Variants in SRCIN1 observed in about 807,000 individuals in gnomAD.
SRCIN1 encodes P130Cas-associated protein.
Under a neutral mutation model 116.2 loss-of-function variants are expected in SRCIN1, and 50 were observed. That is an observed-to-expected ratio of 0.43 (90% CI 0.34 to 0.54). The LOEUF is 0.54. Among genes scored for constraint, SRCIN1 ranks in the 20% least tolerant of loss-of-function variants. The pLI, the probability that SRCIN1 is intolerant of heterozygous loss-of-function variation, is 0.02. For synonymous variants in SRCIN1, 736 were observed against 750.0 expected (o/e 0.98, Z 0.30); for missense variants, 1,446 against 1,672.0 (o/e 0.86, Z 2.36).
intron 1 of SRCIN1, among the ~76,000 whole-genome samples, chr17:38,603,372 G>A (rs1424632952): frequency 2.0e-5 from 3 of 150,942 alleles, no homozygotes; most frequent in African/African-American, 7.3e-5. Context: ...AAGGAGGCAA[G>A]TAGAGGGGCA....
At chr17:38,543,104 T>G (rs1412168232) in intron 18 of SRCIN1, 1 of 456,506 alleles carries the variant, frequency 2.2e-6, no homozygotes, top group African/African-American at 2.0e-5. Context: ...GTATGTCCAC[T>G]CTCCACACAG....
chr17:38,559,350 G>T (rs1906039626), intron 10 of SRCIN1: 1 of 563,050 alleles, frequency 1.8e-6, no homozygotes, highest in South Asian at 2.2e-5. Flanking sequence ...CAATGAGGGG[G>T]TCACGGGCGA....
chr17:38,553,512 GC>G (rs1472714968), intron 11 of SRCIN1, among the ~76,000 whole-genome samples: 1 of 151,712 alleles, frequency 6.6e-6, no homozygotes, highest in African/African-American at 2.4e-5. Context: ...CAGAGCACGT[GC>G]CCCCGGGGAG....
At chr17:38,555,547 C>T in intron 11 of SRCIN1, among the ~76,000 whole-genome samples, 1 of 152,066 alleles carries the variant, frequency 6.6e-6, no homozygotes, top group Non-Finnish European at 1.5e-5. Context: ...GGAAGCTACC[C>T]TAATTAATTA....
At chr17:38,599,394 C>G (rs1908897512) in intron 1 of SRCIN1, among the ~76,000 whole-genome samples, 1 of 152,180 alleles carries the variant, frequency 6.6e-6, no homozygotes. Flanking sequence ...GATCCCTCCC[C>G]AGCAGGGTCC....
chr17:38,551,195 C>T lies in SRCIN1; in HGVS notation c.2922G>A (p.Lys974=). The change falls in exon 15 of 19, where the codon AAG becomes AAA. Residue 974 remains lysine (K), a synonymous_variant. Transcript: ENST00000617146. Reference sequence around the variant, plus strand: ...CACTGGGCTCCGTTCGGGGGGCTGCCTTCTGGCCGTGGGGGGCCTTGGGGG... The same window carrying T: ...CACTGGGCTCCGTTCGGGGGGCTGCTTTCTGGCCGTGGGGGGCCTTGGGGG... ...HKPPKAPHGQ[K]AAPRTEPSGR... The T allele has an allele frequency of 1.3e-6, 2 of 1,594,876 alleles. No homozygotes were observed. Among genetic ancestry groups the T allele is most frequent in the Non-Finnish European group, 1.7e-6 (2 of 1,169,014 alleles).
intron 18 of SRCIN1, among the ~76,000 whole-genome samples, chr17:38,537,832 T>C (rs891182510): frequency 1.4e-5 from 2 of 147,444 alleles, no homozygotes; most frequent in African/African-American, 5.0e-5. Flanking sequence ...CCAGTCACGG[T>C]GGTTCACACC....
In SRCIN1 at chr17:38,572,209, CGAG is replaced by C. The variant is rs1246977237; in HGVS notation, c.325-3981_325-3979del. ...ACCCACCTCTCAACTCCCATGAACA[CGAG>C]TCAGCGTAAACACTCGTCCCCCGGG... On this transcript the variant is annotated intron_variant, in intron 2 of 18. Transcript: ENST00000617146. The surrounding 1 kb of genome is among the most constrained non-coding windows in gnomAD (Gnocchi z 4.3). 6.6e-6 allele frequency among the ~76,000 whole-genome samples: 1 copy of C among 152,216 alleles called. No individual in the cohort carries two copies. The highest frequency in any genetic ancestry group is 1.5e-5 in the Non-Finnish European group (1 of 68,036).
At chr17:38,540,821 A>G (rs1198109058) in intron 18 of SRCIN1, among the ~76,000 whole-genome samples, 2 of 151,646 alleles carry the variant, frequency 1.3e-5, no homozygotes, top group African/African-American at 4.9e-5. Context: ...TTCCCTCCCC[A>G]CCCCCAGGTC....
Position 38,558,482 on chromosome 17 carries a change from A to G in SRCIN1, c.2026-80T>C. 1 of 1,485,108 alleles carries G rather than the reference A, an allele frequency of 6.7e-7. No individual in the cohort carries two copies. Among genetic ancestry groups the G allele is most frequent in the Non-Finnish European group, 9.0e-7 (1 of 1,115,212 alleles). 92.0% of individuals were successfully genotyped at this position (1,485,108 alleles called of 1,614,324 possible). On this transcript the variant is annotated intron_variant, in intron 10 of 18. Coordinates refer to ENST00000617146, the MANE Select transcript of SRCIN1 (RefSeq NM_025248.3). The surrounding 1 kb of genome is among the most constrained non-coding windows in gnomAD (Gnocchi z 4.6). ...GGGGAAGGGCCGGGAGAAGGCGGGT[A>G]GAGGACTGCCCAATCCAGGGCGGGG...
chr17:38,546,549 A>G (rs1362117813), intron 17 of SRCIN1: 1 of 152,282 alleles, frequency 6.6e-6, no homozygotes, highest in Admixed American at 6.5e-5. Flanking sequence ...CAGGATGCAG[A>G]GGGTCGGCCA....
intron 1 of SRCIN1, among the ~76,000 whole-genome samples, chr17:38,598,989 GTGTGTGTGTGTA>G (rs1390757245): frequency 1.3e-5 from 2 of 148,918 alleles, no homozygotes; most frequent in South Asian, 4.2e-4. Flanking sequence ...TAAGGCATGA[GTGTGTGTGTGTA>G]TGTGTGTGTG....
Position 38,604,468 on chromosome 17 carries a change from C to G in SRCIN1, c.22+1216G>C. On this transcript the variant is annotated intron_variant, in intron 1 of 18. Transcript: ENST00000617146. The surrounding 1 kb of genome is among the most constrained non-coding windows in gnomAD (Gnocchi z 4.3). ...ATCCCCCTCCTTGCATACTTCCCCG[C>G]GCCTGCTCACCTGGCTCCCCTCGGC... 1 of 453,544 alleles carries G rather than the reference C, an allele frequency of 2.2e-6. No individual in the cohort carries two copies. The allele number at this position is 453,544 out of a possible 1,614,324, so 28.1% of individuals were successfully genotyped here. A position where few individuals can be genotyped will look rare whatever the true frequency, so the allele number is the denominator to read the frequency against.
chr17:38,559,344 G>T, intron 10 of SRCIN1: 1 of 555,434 alleles, frequency 1.8e-6, no homozygotes, highest in Non-Finnish European at 3.1e-6. Flanking sequence ...AGGGCTCAAT[G>T]AGGGGGTCAC....
rs1909330964 is a variant in SRCIN1, at chr17:38,605,831, G to T, written c.-126C>A. On this transcript the variant is annotated 5_prime_UTR_variant, in exon 1 of 19. Transcript: ENST00000617146. ...GGTGCCAGGCGGGCGGGCCGGGGGCGCGGGCCCCGCCGGGGTGGACCAGCT... is the reference window on the plus strand; with the variant it reads ...GGTGCCAGGCGGGCGGGCCGGGGGCTCGGGCCCCGCCGGGGTGGACCAGCT... 9.3e-6 allele frequency: 2 copies of T among 214,314 alleles called. No individual in the cohort carries two copies. The highest frequency in any genetic ancestry group is 1.5e-4 in the South Asian group (1 of 6,610). The allele number at this position is 214,314 out of a possible 1,614,324, so 13.3% of individuals were successfully genotyped here. A position where few individuals can be genotyped will look rare whatever the true frequency, so the allele number is the denominator to read the frequency against.
intron 1 of SRCIN1, among the ~76,000 whole-genome samples, chr17:38,581,740 C>T (rs1053569650): frequency 1.3e-5 from 2 of 152,220 alleles, no homozygotes; most frequent in African/African-American, 4.8e-5. Flanking sequence ...GGCCCAGTCC[C>T]TGTCTTTGAG....
chr17:38,586,099 G>A (rs1908099233), intron 1 of SRCIN1, among the ~76,000 whole-genome samples: 1 of 152,226 alleles, frequency 6.6e-6, no homozygotes, highest in African/African-American at 2.4e-5. Context: ...GGAGGAGAAG[G>A]AGCTGAGTTG....
rs1159103807 is a variant in SRCIN1 at position 38,578,475 on chromosome 17, C to G, written c.324+15G>C. ...CCGCGGCCGCAGCCGCAGCCGCAGC[C>G]GGGAGCCCACTCACCTGCTCTCGCA... On this transcript the variant is annotated intron_variant, in intron 2 of 18. Transcript: ENST00000617146. 3 of 1,562,586 alleles carry G rather than the reference C, an allele frequency of 1.9e-6. No individual in the cohort carries two copies. Among genetic ancestry groups the G allele is most frequent in the East Asian group, 4.6e-5 (2 of 43,464 alleles).
At position 38,604,635 on chromosome 17, in the gene SRCIN1, C is replaced by A; in HGVS notation, c.22+1049G>T. On this transcript the variant is annotated intron_variant, in intron 1 of 18. Coordinates refer to ENST00000617146, the MANE Select transcript of SRCIN1 (RefSeq NM_025248.3). The surrounding 1 kb of genome is among the most constrained non-coding windows in gnomAD (Gnocchi z 4.3). ...CGTGGGGCTGGGGGACGAGCACCAGCAGCCGCACACGCCCCGCCGGGCCCT... is the reference window on the plus strand; with the variant it reads ...CGTGGGGCTGGGGGACGAGCACCAGAAGCCGCACACGCCCCGCCGGGCCCT... The A allele has an allele frequency of 2.4e-6, 1 of 419,134 alleles. No individual in the cohort carries two copies. Among genetic ancestry groups the A allele is most frequent in the Non-Finnish European group, 4.8e-6 (1 of 209,340 alleles). 26.0% of individuals were successfully genotyped at this position (419,134 alleles called of 1,614,324 possible).
Sources: gnomAD v4.1 joint callset for allele counts (sites outside exome capture counted in the v4.1 genomes callset) on GRCh38, gnomAD v4.1.1 for gene constraint, Gnocchi (gnomAD v3.1) non-coding constraint, MANE v1.5 for transcripts, NCBI Gene and HGNC (gene_info 2026-07-23, HGNC 2026-07-21) for gene names.